CADPS: variants seen among roughly 807,000 people sequenced by gnomAD.
CADPS encodes the protein calcium-dependent secretion activator 1.
In CADPS, 57 loss-of-function variants were observed where a neutral mutation model predicts 167.3. The observed-to-expected ratio is 0.34, with a 90% confidence interval of 0.28 to 0.42. CADPS has a LOEUF of 0.42. Ranked by LOEUF, CADPS falls within the 20% of genes least tolerant of loss-of-function variation. The pLI, the probability that CADPS is intolerant of heterozygous loss-of-function variation, is 1.00. For synonymous variants in CADPS, 676 were observed against 635.3 expected, an observed-to-expected ratio of 1.06 and a Z score of -0.96; for missense variants, 1,414 against 1,738.1, an observed-to-expected ratio of 0.81 and a Z score of 3.32.
chr3:62,582,781 G>T (rs2083693375), intron 8 of CADPS, among the ~76,000 whole-genome samples: 2 of 152,196 alleles, frequency 1.3e-5, no homozygotes, highest in Non-Finnish European at 2.9e-5. Context: ...AAACCTGTCA[G>T]AAGTGAGCTA....
chr3:62,629,780 G>C (rs1182144051), intron 6 of CADPS, among the ~76,000 whole-genome samples: 1 of 118,188 alleles, frequency 8.5e-6, no homozygotes, highest in Admixed American at 8.5e-5. Flanking sequence ...TTGTTTGTTT[G>C]TTTTTTTCCT....
intron 1 of CADPS, among the ~76,000 whole-genome samples, chr3:62,793,393 T>C (rs756221221): frequency 2.0e-5 from 3 of 152,206 alleles, no homozygotes; most frequent in Non-Finnish European, 2.9e-5. Flanking sequence ...TATCCATGAA[T>C]TGAATTAAAA....
At chr3:62,560,511 C>G (rs1432609214) in intron 9 of CADPS, among the ~76,000 whole-genome samples, 1 of 152,192 alleles carries the variant, frequency 6.6e-6, no homozygotes, top group Non-Finnish European at 1.5e-5. Flanking sequence ...CAACAGAAAG[C>G]ATAAAAATCT....
chr3:62,605,536 G>A (rs1490253511), intron 6 of CADPS, among the ~76,000 whole-genome samples: 2 of 152,174 alleles, frequency 1.3e-5, no homozygotes, highest in Non-Finnish European at 2.9e-5. Flanking sequence ...GAGAATGTAA[G>A]TTCTTAATAC....
intron 3 of CADPS, among the ~76,000 whole-genome samples, chr3:62,744,566 G>C (rs549360516): frequency 1.6e-4 from 25 of 152,292 alleles, no homozygotes; most frequent in South Asian, 4.1e-4. Flanking sequence ...ATCTCTATTT[G>C]CAAGGCTGTG....
At chr3:62,479,671 C>T (rs189468561) in intron 22 of CADPS, among the ~76,000 whole-genome samples, 3 of 152,344 alleles carry the variant, frequency 2.0e-5, no homozygotes, top group Admixed American at 6.5e-5. Context: ...AGTACGTAGA[C>T]GTATCTGACA....
At chr3:62,481,166 A>T (rs2061964083) in intron 22 of CADPS, among the ~76,000 whole-genome samples, 1 of 152,220 alleles carries the variant, frequency 6.6e-6, no homozygotes, top group Non-Finnish European at 1.5e-5. Flanking sequence ...TTTTTACATA[A>T]CATTTATGTG....
intron 23 of CADPS, among the ~76,000 whole-genome samples, chr3:62,477,466 G>C (rs930692768): frequency 6.6e-6 from 1 of 152,104 alleles, no homozygotes; most frequent in Non-Finnish European, 1.5e-5. Flanking sequence ...CACTCCATGA[G>C]GAAAGGGATT....
At chr3:62,643,863 G>C in intron 6 of CADPS, among the ~76,000 whole-genome samples, 1 of 152,140 alleles carries the variant, frequency 6.6e-6, no homozygotes, top group East Asian at 1.9e-4. Flanking sequence ...TATAACATAA[G>C]AGCATGGAAA....
At position 62,795,259 on chromosome 3, in the gene CADPS, A is replaced by T. The variant is rs2093323399; in HGVS notation, c.442-29275T>A. Among the ~76,000 whole-genome samples, 3 of 152,152 alleles carry T rather than the reference A, an allele frequency of 2.0e-5. No individual in the cohort carries two copies. The South Asian group carries it at 6.2e-4, about 32-fold the overall frequency. ...TATCATTTTTGAAATCACCATCTCT[A>T]AGAGGCTTGCTCTTCCTAATCTAAA... On this transcript the variant is annotated intron_variant, in intron 1 of 29. Transcript: ENST00000383710.
At chr3:62,461,589 G>T (rs1428457365) in intron 26 of CADPS, among the ~76,000 whole-genome samples, 2 of 152,120 alleles carry the variant, frequency 1.3e-5, no homozygotes, top group Non-Finnish European at 2.9e-5. Context: ...CCACAGAAGT[G>T]CCTCCTGCTT....
chr3:62,546,687 T>C (rs2076506471), intron 11 of CADPS, among the ~76,000 whole-genome samples: 1 of 152,172 alleles, frequency 6.6e-6, no homozygotes, highest in African/African-American at 2.4e-5. Context: ...CTTTTTTTGG[T>C]CATTATTCCC....
At chr3:62,677,611 A>G (rs2076530887) in intron 3 of CADPS, among the ~76,000 whole-genome samples, 1 of 152,116 alleles carries the variant, frequency 6.6e-6, no homozygotes, top group African/African-American at 2.4e-5. Flanking sequence ...TTAAAATGTC[A>G]TTGGTGCTGA....
rs550065236 is a variant in CADPS at position 62,446,420 on chromosome 3, A to G, written c.3637-623T>C. Among the ~76,000 whole-genome samples the G allele has an allele frequency of 1.3e-4, 20 of 152,236 alleles. No homozygotes were observed. The highest frequency in any genetic ancestry group is 2.9e-4 in the Non-Finnish European group (20 of 68,020). On this transcript the variant is annotated intron_variant, in intron 26 of 29. Transcript: ENST00000383710. The surrounding 1 kb of genome is among the most constrained non-coding windows in gnomAD (Gnocchi z 4.9). ...ATTTTTAGTTTTGTGGGGAGGGAGT[A>G]TGGTAGCGTGCTAGAGTGTTATGTT...
At chr3:62,700,612 C>G (rs1250699025) in intron 3 of CADPS, among the ~76,000 whole-genome samples, 1 of 152,092 alleles carries the variant, frequency 6.6e-6, no homozygotes, top group Non-Finnish European at 1.5e-5. Context: ...AACTCTAGAG[C>G]TGACACCCTA....
intron 1 of CADPS, among the ~76,000 whole-genome samples, chr3:62,805,091 A>T (rs1055103400): frequency 2.0e-5 from 3 of 152,124 alleles, no homozygotes. Context: ...TGGGATATTT[A>T]AGTAGGATTC....
At chr3:62,861,535 T>C (rs2080804409) in intron 1 of CADPS, among the ~76,000 whole-genome samples, 1 of 152,222 alleles carries the variant, frequency 6.6e-6, no homozygotes, top group South Asian at 2.1e-4. Context: ...ATTATAAAAC[T>C]GATCTGTGCT....
chr3:62,751,458 T>TG lies in CADPS; in HGVS notation c.888+1982_888+1983insC, dbSNP rs1227669988. 2.0e-5 allele frequency among the ~76,000 whole-genome samples: 3 copies of TG among 151,868 alleles called. No individual in the cohort carries two copies. The East Asian group carries it at 5.8e-4, about 29-fold the overall frequency. On this transcript the variant is annotated intron_variant, in intron 3 of 29. Coordinates refer to ENST00000383710, the MANE Select transcript of CADPS (RefSeq NM_003716.4). ...GAAGTACTTTATCTTGTAATTTTTTTTTGTTGGAGATGGAGTCTCGTTCTG... is the reference window on the plus strand; with the variant it reads ...GAAGTACTTTATCTTGTAATTTTTTTGTTGTTGGAGATGGAGTCTCGTTCTG...
At position 62,860,841 on chromosome 3, in the gene CADPS, A is replaced by G. The variant is rs540450288; in HGVS notation, c.441+13748T>C. ...ACTTTTCTGTAATCTTACCACTAAG[A>G]TAAGACTCTTTCCACTTGGGGAGGA... is the stretch of plus-strand genomic sequence containing the variant. On this transcript the variant is annotated intron_variant, in intron 1 of 29. Coordinates refer to ENST00000383710, the MANE Select transcript of CADPS (RefSeq NM_003716.4). Among the ~76,000 whole-genome samples, 17 of 152,342 alleles carry G rather than the reference A, an allele frequency of 1.1e-4. No homozygotes were observed. The East Asian group carries it at 3.3e-3, about 29-fold the overall frequency.
Sources: gnomAD v4.1 joint callset for allele counts (sites outside exome capture counted in the v4.1 genomes callset) on GRCh38, gnomAD v4.1.1 for gene constraint, Gnocchi (gnomAD v3.1) non-coding constraint, MANE v1.5 for transcripts, NCBI Gene and HGNC (gene_info 2026-07-23, HGNC 2026-07-21) for gene names.